CNTNAP2: variants seen among roughly 807,000 people sequenced by gnomAD.
CNTNAP2 encodes contactin associated protein 2.
A neutral mutation model predicts 155.2 loss-of-function variants in CNTNAP2; 98 were observed. The ratio of observed to expected loss-of-function variants is 0.63; its 90% CI spans 0.54 to 0.75. The LOEUF (loss-of-function observed/expected upper bound fraction) is 0.75, where lower values mean the gene tolerates loss of function less well. Among genes scored for constraint, CNTNAP2 ranks in the 30% least tolerant of loss-of-function variants. The pLI is 0.00. For synonymous variants in CNTNAP2, 651 were observed against 631.2 expected, an observed-to-expected ratio of 1.03 and a Z score of -0.47; for missense variants, 1,727 against 1,688.1, an observed-to-expected ratio of 1.02 and a Z score of -0.40.
chr7:146,736,046 AT>A (rs1472766945), intron 1 of CNTNAP2, among the ~76,000 whole-genome samples: 2 of 152,304 alleles, frequency 1.3e-5, no homozygotes, highest in East Asian at 3.9e-4. Flanking sequence ...TTATAGGTCA[AT>A]TACAAGCCAA....
intron 1 of CNTNAP2, among the ~76,000 whole-genome samples, chr7:146,229,580 A>G (rs1799350934): frequency 6.6e-6 from 1 of 152,030 alleles, no homozygotes; most frequent in Non-Finnish European, 1.5e-5. Flanking sequence ...CTGACAGAGA[A>G]TGCATTGTTA....
chr7:147,058,008 C>A (rs948138237), intron 4 of CNTNAP2, among the ~76,000 whole-genome samples: 4 of 152,122 alleles, frequency 2.6e-5, no homozygotes, highest in African/African-American at 9.7e-5. Flanking sequence ...CTCTTGAATT[C>A]TCATATCGTT....
At chr7:147,882,330 A>G (rs998442176) in intron 13 of CNTNAP2, among the ~76,000 whole-genome samples, 1 of 152,268 alleles carries the variant, frequency 6.6e-6, no homozygotes, top group South Asian at 2.1e-4. Context: ...ACTGATCTCT[A>G]TTTCACAGCC....
At chr7:147,252,480 T>C (rs924007699) in intron 8 of CNTNAP2, among the ~76,000 whole-genome samples, 1 of 152,208 alleles carries the variant, frequency 6.6e-6, no homozygotes, top group Non-Finnish European at 1.5e-5. Flanking sequence ...TATCTTTTGT[T>C]CACTTTTAGT....
At chr7:146,914,363 A>G (rs746245504) in intron 3 of CNTNAP2, among the ~76,000 whole-genome samples, 1 of 151,952 alleles carries the variant, frequency 6.6e-6, no homozygotes, top group Non-Finnish European at 1.5e-5. Context: ...TCTTTAAGGA[A>G]TCTCCACACT....
intron 4 of CNTNAP2, among the ~76,000 whole-genome samples, chr7:147,107,676 A>G (rs1800793811): frequency 6.6e-6 from 1 of 152,184 alleles, no homozygotes. Flanking sequence ...TAAAAAAAAG[A>G]GAATAGCATA....
intron 15 of CNTNAP2, among the ~76,000 whole-genome samples, chr7:148,046,130 G>A (rs1802769931): frequency 6.6e-6 from 1 of 152,084 alleles, no homozygotes; most frequent in Non-Finnish European, 1.5e-5. Flanking sequence ...GCCCAGGCTG[G>A]AATGCAGTAA....
chr7:147,889,809 C>G (rs1052415522), intron 13 of CNTNAP2, among the ~76,000 whole-genome samples: 1 of 152,176 alleles, frequency 6.6e-6, no homozygotes, highest in African/African-American at 2.4e-5. Flanking sequence ...TGGTTACCTA[C>G]TGGGCAACCC....
chr7:148,146,469 G>A (rs768280958), intron 16 of CNTNAP2, among the ~76,000 whole-genome samples: 4 of 152,216 alleles, frequency 2.6e-5, no homozygotes, highest in Non-Finnish European at 5.9e-5. Context: ...GCTACTTATA[G>A]CTAAAGTTAA....
At chr7:147,816,568 C>T (rs139065424) in intron 13 of CNTNAP2, among the ~76,000 whole-genome samples, 167 of 152,072 alleles carry the variant, frequency 1.1e-3, no homozygotes, top group African/African-American at 3.7e-3. Context: ...GCCTACAGTT[C>T]GGTTTCTGCT....
Position 148,415,791 on chromosome 7 carries a change from A to AG in CNTNAP2, c.*175_*176insG. The AG allele has an allele frequency of 4.3e-6, 3 of 704,802 alleles. No individual in the cohort carries two copies. Among genetic ancestry groups the AG allele is most frequent in the Non-Finnish European group, 7.0e-6 (3 of 430,066 alleles). 43.7% of individuals were successfully genotyped at this position (704,802 alleles called of 1,614,324 possible). A position where few individuals can be genotyped will look rare whatever the true frequency, so the allele number is the denominator to read the frequency against. On this transcript the variant is annotated 3_prime_UTR_variant, in exon 24 of 24. Transcript: ENST00000361727. ...CTTGAGACTGATCACAAAAAAAAAA[A>AG]CCTTTTTAATATTTCTTTATAGCTG... is the stretch of plus-strand genomic sequence containing the variant.
chr7:146,329,303 C>T (rs909187832), intron 1 of CNTNAP2, among the ~76,000 whole-genome samples: 1 of 152,160 alleles, frequency 6.6e-6, no homozygotes, highest in Non-Finnish European at 1.5e-5. Context: ...ATAACTTTAA[C>T]CTATCATGTT....
intron 3 of CNTNAP2, among the ~76,000 whole-genome samples, chr7:146,929,014 A>T (rs1188256077): frequency 1.3e-5 from 2 of 152,230 alleles, no homozygotes; most frequent in African/African-American, 2.4e-5. Context: ...GGCAGGGCAC[A>T]GACAAACTAA....
At chr7:147,742,459 T>C (rs1454676195) in intron 13 of CNTNAP2, among the ~76,000 whole-genome samples, 1 of 152,238 alleles carries the variant, frequency 6.6e-6, no homozygotes, top group Non-Finnish European at 1.5e-5. Context: ...CTTTGGAATC[T>C]GTTATCAGTG....
intron 1 of CNTNAP2, among the ~76,000 whole-genome samples, chr7:146,329,712 C>A (rs1264342225): frequency 6.6e-6 from 1 of 152,124 alleles, no homozygotes; most frequent in East Asian, 1.9e-4. Context: ...CACCAACCAG[C>A]CTTTTCTTTT....
intron 8 of CNTNAP2, among the ~76,000 whole-genome samples, chr7:147,229,189 C>A (rs1034266877): frequency 6.6e-6 from 1 of 152,128 alleles, no homozygotes; most frequent in East Asian, 1.9e-4. Flanking sequence ...GACAGGACAT[C>A]CAGCAACTCC....
At position 147,231,575 on chromosome 7, in the gene CNTNAP2, T is replaced by C. The variant is rs1803682609; in HGVS notation, c.1349-68566T>C. Among the ~76,000 whole-genome samples the C allele has an allele frequency of 2.0e-5, 3 of 152,356 alleles. No individual in the cohort carries two copies. In the South Asian group the frequency reaches 6.2e-4, roughly 32 times the overall value. On this transcript the variant is annotated intron_variant, in intron 8 of 23. Transcript: ENST00000361727. ...AACAGTGTACAAGAGTTCACTTTTC[T>C]TTACACCCTTGCCAACATTTATTAT...
rs1035767628 is a variant in CNTNAP2, at chr7:147,528,558, C to T, written c.1778-33580C>T. On this transcript the variant is annotated intron_variant, in intron 11 of 23. Coordinates refer to ENST00000361727, the MANE Select transcript of CNTNAP2 (RefSeq NM_014141.6). ...ACATACATGTACACACATGCATTCA[C>T]GCATGTGTGCTCACACACAGACTAG... Among the ~76,000 whole-genome samples the T allele has an allele frequency of 9.9e-5, 15 of 152,278 alleles. No homozygotes were observed. The East Asian group carries it at 1.4e-3, about 14-fold the overall frequency.
At chr7:146,810,275 C>T (rs970811446) in intron 2 of CNTNAP2, among the ~76,000 whole-genome samples, 11 of 143,974 alleles carry the variant, frequency 7.6e-5, no homozygotes, top group Non-Finnish European at 1.2e-4. Flanking sequence ...GTTTGAAATT[C>T]GGAAGTGTGG....
Sources: allele counts gnomAD v4.1 joint callset (sites outside exome capture counted in the v4.1 genomes callset), GRCh38; gene constraint gnomAD v4.1.1; transcripts MANE v1.5; gene names NCBI Gene and HGNC (gene_info 2026-07-23, HGNC 2026-07-21).